The following EIF4ENIF1 variants were observed in gnomAD, a reference collection of about 807,000 sequenced individuals.
EIF4ENIF1 encodes the protein eukaryotic translation initiation factor 4E nuclear import factor 1.
A neutral mutation model predicts 110.5 loss-of-function variants in EIF4ENIF1; 23 were observed. The observed-to-expected ratio is 0.21, with a 90% confidence interval of 0.15 to 0.29. The LOEUF (loss-of-function observed/expected upper bound fraction) is 0.29. Among genes scored for constraint, EIF4ENIF1 ranks in the 10% least tolerant of loss-of-function variants. The probability of loss-of-function intolerance (pLI) is 1.00; values close to 1 mark genes in which losing one functional copy is unlikely to be tolerated. For missense variants in EIF4ENIF1, 1,031 were observed against 1,221.1 expected (o/e 0.84, Z 2.32); for synonymous variants, 440 against 437.0 (o/e 1.01, Z -0.09).
intron 15 of EIF4ENIF1, 97 bp from the exon 16 acceptor site, chr22:31,443,191 C>CCA (rs2050358270): frequency 6.6e-7 from 1 of 1,512,834 alleles, no homozygotes; most frequent in Admixed American, 2.0e-5. Context: ...CAAAGAGTCC[C>CCA]CACATTGGTA....
chr22:31,490,787 C>T (rs147162554), upstream of EIF4ENIF1, among the ~76,000 whole-genome samples: 1 of 152,256 alleles, frequency 6.6e-6, no homozygotes, highest in African/African-American at 2.4e-5. Flanking sequence ...TGTGGTACTG[C>T]GCAGCGTTGG....
rs1296922599 is a variant in EIF4ENIF1 at position 31,463,907 on chromosome 22, C to G, written c.359G>C (p.Ser120Thr). 6.2e-7 allele frequency: 1 copy of G among 1,614,088 alleles called. No individual in the cohort carries two copies. The highest frequency in any genetic ancestry group is 8.5e-7 in the Non-Finnish European group (1 of 1,180,056). Residue 120 changes from serine (S) to threonine (T), a missense_variant, in exon 5 of 19, where the codon AGC becomes ACC. Transcript: ENST00000330125. ...LDVVLSPQRRSFGGGCHVTAA... is the reference protein window; with the variant it reads ...LDVVLSPQRRTFGGGCHVTAA... Reference sequence around the variant, plus strand: ...TGTCACGTGGCAGCCCCCTCCAAAGCTCCGTCTCTGAGGGCTGAGAACAAC... The same window carrying G: ...TGTCACGTGGCAGCCCCCTCCAAAGGTCCGTCTCTGAGGGCTGAGAACAAC...
chr22:31,481,346 G>A (rs561302096), intron 2 of EIF4ENIF1, among the ~76,000 whole-genome samples: 4 of 149,456 alleles, frequency 2.7e-5, no homozygotes, highest in South Asian at 2.1e-4. Context: ...TTTTTTTAAC[G>A]AGATGGGGTC....
intron 16 of EIF4ENIF1, among the ~76,000 whole-genome samples, chr22:31,442,613 G>T (rs1264536280): frequency 6.6e-6 from 1 of 152,136 alleles, no homozygotes; most frequent in Non-Finnish European, 1.5e-5. Context: ...TCCACAGGCT[G>T]GACATAATCT....
At position 31,461,005 on chromosome 22, in the gene EIF4ENIF1, T is replaced by C. The variant is rs1601600431; in HGVS notation, c.787+1927A>G. Among the ~76,000 whole-genome samples the C allele has an allele frequency of 2.0e-5, 3 of 152,310 alleles. No individual in the cohort carries two copies. In the South Asian group the frequency reaches 6.2e-4, roughly 32 times the overall value. ...CTTTCCCCTTTTGTTGCCTAGTATC[T>C]GCCAAAAGGCTTTCAACTAAGCCTG... On this transcript the variant is annotated intron_variant, in intron 6 of 18. Transcript: ENST00000330125.
At chr22:31,450,470 A>C (rs2050612107) in intron 10 of EIF4ENIF1, 110 bp from the exon 11 acceptor site, 1 of 785,384 alleles carries the variant, frequency 1.3e-6, no homozygotes. Flanking sequence ...TAATAGCAGA[A>C]TGATACTCAA....
At position 31,441,107 on chromosome 22, in the gene EIF4ENIF1, T is replaced by C. The variant is rs553181181; in HGVS notation, c.2552-239A>G. 1.2e-3 allele frequency among the ~76,000 whole-genome samples: 180 copies of C among 151,956 alleles called. 1 individual carries two copies. Among genetic ancestry groups the C allele is most frequent in the Non-Finnish European group, 2.3e-3 (158 of 67,976 alleles). On this transcript the variant is annotated intron_variant, in intron 17 of 18. Transcript: ENST00000330125. ...CTGTCTCTACTAAAAATACAAAAATTAGCCAGGTGTAGTGGCAGGCGCCTG... is the reference window on the plus strand; with the variant it reads ...CTGTCTCTACTAAAAATACAAAAATCAGCCAGGTGTAGTGGCAGGCGCCTG...
rs939047780 is a variant in EIF4ENIF1 at position 31,441,933 on chromosome 22, G to A, written c.2392C>T (p.Pro798Ser). The A allele has an allele frequency of 4.3e-6, 7 of 1,614,050 alleles. No individual in the cohort carries two copies. Among genetic ancestry groups the A allele is most frequent in the Middle Eastern group, 1.6e-4 (1 of 6,084 alleles). ...CGGAGAAAAGGTGTTGTAGGAACTG[G>A]GGATGCCAAGGTGGGTGTTTTTCTC... ...TGRKTPTLAS[P>S]VPTTPFLRPV... The change falls in exon 17 of 19, where the codon CCA becomes TCA. Residue 798 changes from proline to serine, a missense_variant. Pro to Ser is a moderately conservative substitution (Grantham distance 74, BLOSUM62 -1). This residue lies in a region of EIF4ENIF1 where 309 missense variants were observed against 299.1 expected (regional missense o/e 1.03). Transcript: ENST00000330125.
chr22:31,484,268 A>C (rs1174175710), intron 2 of EIF4ENIF1, among the ~76,000 whole-genome samples: 1 of 152,170 alleles, frequency 6.6e-6, no homozygotes, highest in Non-Finnish European at 1.5e-5. Flanking sequence ...GAAACAAGCT[A>C]ACTAAAGGAT....
intron 14 of EIF4ENIF1, 104 bp from the exon 15 acceptor site, chr22:31,444,794 C>G: frequency 9.5e-7 from 1 of 1,050,144 alleles, no homozygotes; most frequent in African/African-American, 1.6e-5. Flanking sequence ...CATCCCCTTT[C>G]CCTTATCCAA....
At chr22:31,491,263 G>C (rs1473956211), upstream of EIF4ENIF1, among the ~76,000 whole-genome samples, 2 of 152,172 alleles carry the variant, frequency 1.3e-5, no homozygotes, top group Non-Finnish European at 2.9e-5. Flanking sequence ...CCTATACAGA[G>C]ACACGTTGCA....
At chr22:31,468,375 C>T (rs552811236) in intron 3 of EIF4ENIF1, 73 bp from the exon 4 acceptor site, 3 of 1,592,138 alleles carry the variant, frequency 1.9e-6, no homozygotes, top group Non-Finnish European at 1.7e-6. Flanking sequence ...TCTAAACCTC[C>T]TCAGCTAATA....
intron 2 of EIF4ENIF1, among the ~76,000 whole-genome samples, chr22:31,483,618 T>C (rs768987598): frequency 1.4e-4 from 22 of 152,130 alleles, no homozygotes; most frequent in Non-Finnish European, 2.8e-4. Flanking sequence ...TCTCCTTTAA[T>C]ACCACTGAGA....
intron 4 of EIF4ENIF1, among the ~76,000 whole-genome samples, chr22:31,467,780 A>G (rs867222110): frequency 1.2e-4 from 18 of 151,956 alleles, no homozygotes; most frequent in African/African-American, 4.1e-4. Context: ...GCAACAGAGC[A>G]AGACTCCGTC....
At chr22:31,472,657 T>C (rs1048858689) in intron 2 of EIF4ENIF1, among the ~76,000 whole-genome samples, 11 of 152,284 alleles carry the variant, frequency 7.2e-5, no homozygotes, top group African/African-American at 2.4e-4. Context: ...TTTCTCCCTA[T>C]TTATCATTTA....
At position 31,488,744 on chromosome 22, in the gene EIF4ENIF1, A is replaced by C. The variant is rs1431129000; in HGVS notation, c.-26T>G. 6.2e-7 allele frequency: 1 copy of C among 1,600,672 alleles called. No homozygotes were observed. Among genetic ancestry groups the C allele is most frequent in the Non-Finnish European group, 8.5e-7 (1 of 1,174,736 alleles). On this transcript the variant is annotated splice_region_variant and 5_prime_UTR_variant, in exon 2 of 19. Transcript: ENST00000330125. ...GGCTCCTTGGTCTACAATGCTCTGC[A>C]CCTGGAAGATAAATCGGCACAAAAT... is the stretch of plus-strand genomic sequence containing the variant.
At position 31,476,808 on chromosome 22, in the gene EIF4ENIF1, C is replaced by T. The variant is rs373498758; in HGVS notation, c.97-4891G>A. ...CTAAGATCACACCACTGCACTCCAG[C>T]CTGGACAACAGAGTAAGATTCTGTG... On this transcript the variant is annotated intron_variant, in intron 2 of 18. Coordinates refer to ENST00000330125, the MANE Select transcript of EIF4ENIF1 (RefSeq NM_019843.4). Among the ~76,000 whole-genome samples, 9 of 151,186 alleles carry T rather than the reference C, an allele frequency of 6.0e-5. No homozygotes were observed. In the South Asian group the frequency reaches 1.1e-3, roughly 18 times the overall value.
At chr22:31,471,424 C>A (rs2051374454) in intron 3 of EIF4ENIF1, among the ~76,000 whole-genome samples, 1 of 152,016 alleles carries the variant, frequency 6.6e-6, no homozygotes, top group African/African-American at 2.4e-5. Context: ...ATGCCATTCT[C>A]CTGCCTCAGC....
At chr22:31,448,046 G>A (rs1214625822) in intron 13 of EIF4ENIF1, 107 bp downstream of exon 13, 1 of 1,264,966 alleles carries the variant, frequency 7.9e-7, no homozygotes, top group Non-Finnish European at 1.1e-6. Context: ...ACTATGCCTG[G>A]CCTCAAAACC....
Sources: allele counts gnomAD v4.1 joint callset (sites outside exome capture counted in the v4.1 genomes callset), GRCh38; gene constraint gnomAD v4.1.1; regional missense constraint gnomAD v4.1.1; transcripts MANE v1.5; gene names NCBI Gene and HGNC (gene_info 2026-07-23, HGNC 2026-07-21).